PTPRD: variants seen among roughly 807,000 people sequenced by gnomAD.
The protein encoded by PTPRD is receptor-type tyrosine-protein phosphatase delta.
Under a neutral mutation model 214.5 loss-of-function variants are expected in PTPRD, and 34 were observed. The ratio of observed to expected loss-of-function variants is 0.16; its 90% CI spans 0.12 to 0.21. The LOEUF is 0.21. Ranked by LOEUF, PTPRD falls within the 10% of genes least tolerant of loss-of-function variation. PTPRD has a pLI of 1.00. For missense variants in PTPRD, 2,545 were observed against 2,398.7 expected (o/e 1.06, Z -1.27); for synonymous variants, 1,128 against 845.7 (o/e 1.33, Z -5.79).
At chr9:10,583,788 T>G (rs971924029) in intron 2 of PTPRD, among the ~76,000 whole-genome samples, 2 of 152,180 alleles carry the variant, frequency 1.3e-5, no homozygotes, top group Non-Finnish European at 2.9e-5. Context: ...ACAGGTGTTC[T>G]ATATAGTTCA....
intron 14 of PTPRD, among the ~76,000 whole-genome samples, chr9:8,555,635 A>T (rs1489596112): frequency 6.6e-6 from 1 of 152,192 alleles, no homozygotes; most frequent in Non-Finnish European, 1.5e-5. Context: ...CTTCCTTTGG[A>T]CATCTCTCCA....
chr9:9,623,627 A>G (rs542891149), intron 7 of PTPRD, among the ~76,000 whole-genome samples: 71 of 152,252 alleles, frequency 4.7e-4, no homozygotes, highest in African/African-American at 1.7e-3. Flanking sequence ...ATGATACAAC[A>G]ATCAATTACA....
chr9:8,704,343 G>A (rs1465875668), intron 12 of PTPRD, among the ~76,000 whole-genome samples: 1 of 152,120 alleles, frequency 6.6e-6, no homozygotes, highest in East Asian at 1.9e-4. Flanking sequence ...CTGAATGAAT[G>A]ACGGAAGAAA....
chr9:9,231,945 G>T (rs2099963374), intron 9 of PTPRD, among the ~76,000 whole-genome samples: 1 of 151,950 alleles, frequency 6.6e-6, no homozygotes, highest in South Asian at 2.1e-4. Context: ...CTCCATCCAG[G>T]AAACTGGTGG....
intron 3 of PTPRD, among the ~76,000 whole-genome samples, chr9:10,240,223 T>TC (rs1375507581): frequency 6.6e-6 from 1 of 151,972 alleles, no homozygotes. Flanking sequence ...TAAAAACAGA[T>TC]CGTTTTCTCT....
At chr9:9,421,785 C>T (rs554546708) in intron 8 of PTPRD, among the ~76,000 whole-genome samples, 22 of 152,106 alleles carry the variant, frequency 1.4e-4, no homozygotes, top group African/African-American at 5.1e-4. Context: ...TTGACACTGG[C>T]GTCTCAGCAG....
chr9:9,712,734 T>C (rs2097759225), intron 7 of PTPRD, among the ~76,000 whole-genome samples: 1 of 152,188 alleles, frequency 6.6e-6, no homozygotes, highest in South Asian at 2.1e-4. Flanking sequence ...TAATGCAGAT[T>C]TTCTTGCTTC....
intron 10 of PTPRD, among the ~76,000 whole-genome samples, chr9:9,093,104 A>G (rs1488894777): frequency 6.6e-6 from 1 of 152,060 alleles, no homozygotes; most frequent in Non-Finnish European, 1.5e-5. Context: ...TTGCATAGTG[A>G]TAAATGGGCT....
At chr9:8,344,013 CT>C (rs1855088612) in intron 39 of PTPRD, among the ~76,000 whole-genome samples, 1 of 152,060 alleles carries the variant, frequency 6.6e-6, no homozygotes. Context: ...TTTAAGTAGT[CT>C]CTTTGCTGGT....
chr9:8,491,928 T>G (rs904757237), intron 27 of PTPRD, among the ~76,000 whole-genome samples: 1 of 152,154 alleles, frequency 6.6e-6, no homozygotes, highest in East Asian at 1.9e-4. Context: ...GTTTACATGT[T>G]CACGGGAGAT....
intron 7 of PTPRD, among the ~76,000 whole-genome samples, chr9:9,697,994 C>G (rs897576005): frequency 6.6e-6 from 1 of 152,104 alleles, no homozygotes. Flanking sequence ...AATTCTGTTT[C>G]AATTTTTAAT....
At chr9:8,870,788 G>C (rs899628657) in intron 11 of PTPRD, among the ~76,000 whole-genome samples, 4 of 145,994 alleles carry the variant, frequency 2.7e-5, no homozygotes, top group African/African-American at 1.1e-4. Context: ...CATTGCAGGA[G>C]GAGGAAGGGT....
chr9:9,596,927 C>G (rs2093396394), intron 7 of PTPRD, among the ~76,000 whole-genome samples: 1 of 151,980 alleles, frequency 6.6e-6, no homozygotes. Context: ...AAACTGAAAT[C>G]TATTGTTTAG....
intron 10 of PTPRD, among the ~76,000 whole-genome samples, chr9:9,092,185 C>T (rs911700886): frequency 6.6e-6 from 1 of 152,088 alleles, no homozygotes. Context: ...AATAATGCAC[C>T]ATTTTCAAAT....
intron 3 of PTPRD, among the ~76,000 whole-genome samples, chr9:10,051,220 T>C (rs1357537036): frequency 2.0e-5 from 3 of 152,142 alleles, no homozygotes; most frequent in African/African-American, 7.2e-5. Flanking sequence ...ATATCCATAA[T>C]TTTGAAGAAA....
intron 10 of PTPRD, among the ~76,000 whole-genome samples, chr9:9,126,923 G>A (rs547469130): frequency 3.3e-5 from 5 of 152,106 alleles, no homozygotes; most frequent in African/African-American, 1.2e-4. Flanking sequence ...GCCCATCCTA[G>A]CATCTAAGAG....
intron 36 of PTPRD, among the ~76,000 whole-genome samples, chr9:8,403,814 C>A (rs1038890217): frequency 1.3e-5 from 2 of 152,060 alleles, no homozygotes; most frequent in Non-Finnish European, 2.9e-5. Context: ...TTAGACAGTC[C>A]CCAGTGGATA....
At chr9:10,143,213 A>G (rs1355458933) in intron 3 of PTPRD, among the ~76,000 whole-genome samples, 1 of 152,146 alleles carries the variant, frequency 6.6e-6, no homozygotes, top group East Asian at 1.9e-4. Flanking sequence ...GGCATGGCAC[A>G]TGTATACATA....
intron 3 of PTPRD, among the ~76,000 whole-genome samples, chr9:10,205,765 A>G (rs756374692): frequency 6.6e-6 from 1 of 152,168 alleles, no homozygotes; most frequent in Non-Finnish European, 1.5e-5. Context: ...AATAATATAT[A>G]TCTAGAATTT....
Sources: allele counts gnomAD v4.1 joint callset (sites outside exome capture counted in the v4.1 genomes callset), GRCh38; gene constraint gnomAD v4.1.1; transcripts MANE v1.5; gene names NCBI Gene and HGNC (gene_info 2026-07-23, HGNC 2026-07-21).